The following SMAD2 variants were observed in gnomAD, a reference collection of about 807,000 sequenced individuals.
The protein encoded by SMAD2 is MAD homolog 2.
In SMAD2, 8 loss-of-function variants were observed where a neutral mutation model predicts 64.4. The ratio of observed to expected loss-of-function variants is 0.12; its 90% CI spans 0.07 to 0.22. The LOEUF is 0.22. Ranked by LOEUF, SMAD2 falls within the 10% of genes least tolerant of loss-of-function variation. The pLI is 1.00. For synonymous variants in SMAD2, 203 were observed against 195.8 expected (o/e 1.04, Z -0.31); for missense variants, 289 against 561.2 (o/e 0.51, Z 4.90).
chr18:47,915,981 T>C (rs1175479932), intron 1 of SMAD2, among the ~76,000 whole-genome samples: 1 of 152,236 alleles, frequency 6.6e-6, no homozygotes, highest in Non-Finnish European at 1.5e-5. Flanking sequence ...CATGAACAAG[T>C]ACTAAATGTT....
At chr18:47,902,108 G>A (rs1242800670) in intron 1 of SMAD2, among the ~76,000 whole-genome samples, 5 of 152,098 alleles carry the variant, frequency 3.3e-5, no homozygotes, top group African/African-American at 9.7e-5. Context: ...TACTGAGGGC[G>A]TTCTCTGTGT....
At chr18:47,905,151 T>G (rs1260440718) in intron 1 of SMAD2, among the ~76,000 whole-genome samples, 1 of 152,166 alleles carries the variant, frequency 6.6e-6, no homozygotes, top group Non-Finnish European at 1.5e-5. Context: ...AACTAGTAAG[T>G]AAATTTAGCA....
chr18:47,850,466 AAT>A (rs1491207167), intron 7 of SMAD2, among the ~76,000 whole-genome samples: 2 of 21,614 alleles, frequency 9.3e-5, no homozygotes, highest in African/African-American at 2.0e-4. Context: ...TATTATACAT[AAT>A]ATATATTATA....
chr18:47,844,744 A>G (rs1664668845), intron 10 of SMAD2, among the ~76,000 whole-genome samples: 1 of 152,212 alleles, frequency 6.6e-6, no homozygotes, highest in African/African-American at 2.4e-5. Flanking sequence ...TCAACCTTAC[A>G]AAGAATGAAT....
At chr18:47,883,759 C>G (rs2032742051) in intron 2 of SMAD2, among the ~76,000 whole-genome samples, 1 of 152,172 alleles carries the variant, frequency 6.6e-6, no homozygotes, top group African/African-American at 2.4e-5. Context: ...CCATTTTTCA[C>G]CAGCTGCTTT....
Position 47,851,299 on chromosome 18 carries a change from A to G in SMAD2, c.759T>C (p.Thr253=). The change falls in exon 7 of 11, where the codon ACT becomes ACC. Residue 253 remains threonine (T), a synonymous_variant. Coordinates refer to ENST00000262160, the MANE Select transcript of SMAD2 (RefSeq NM_005901.6). ...CCAAGCTATGATTAACAGGGGAAAG[A>G]GTAGTAGGAGATAGTTCTGCTGGAG... ...TGSPAELSPT[T]LSPVNHSLDL... is the part of the protein sequence containing the mutation. The G allele has an allele frequency of 6.2e-7, 1 of 1,610,172 alleles. No individual in the cohort carries two copies. The highest frequency in any genetic ancestry group is 1.3e-5 in the African/African-American group (1 of 74,926).
rs548705733 is a variant in SMAD2 at position 47,830,053 on chromosome 18, G to C, written c.*11774C>G. ...GCCACTAATTCTTTTACAGATGAAA[G>C]CATTCAATTATCTCTATAAAATTCA... is the stretch of plus-strand genomic sequence containing the variant. On this transcript the variant is annotated 3_prime_UTR_variant, in exon 11 of 11. Coordinates refer to ENST00000262160, the MANE Select transcript of SMAD2 (RefSeq NM_005901.6). The C allele has an allele frequency of 6.6e-6, 1 of 152,160 alleles. No homozygotes were observed. The highest frequency in any genetic ancestry group is 2.4e-5 in the African/African-American group (1 of 41,440). 9.4% of individuals were successfully genotyped at this position (152,160 alleles called of 1,614,324 possible).
intron 2 of SMAD2, among the ~76,000 whole-genome samples, chr18:47,889,553 C>T (rs995969731): frequency 4.6e-5 from 7 of 151,992 alleles, no homozygotes; most frequent in African/African-American, 1.2e-4. Flanking sequence ...GGGCGGATCA[C>T]GAGGTCAGGA....
chr18:47,894,527 A>C (rs2033346654), intron 2 of SMAD2, among the ~76,000 whole-genome samples: 1 of 151,990 alleles, frequency 6.6e-6, no homozygotes, highest in African/African-American at 2.4e-5. Flanking sequence ...ACGCTTCACC[A>C]ATCCTCCCCC....
chr18:47,924,218 A>C lies in SMAD2; in HGVS notation c.-54+6143T>G, dbSNP rs905894274. On this transcript the variant is annotated intron_variant, in intron 1 of 10. Coordinates refer to ENST00000262160, the MANE Select transcript of SMAD2 (RefSeq NM_005901.6). ...AGCCAAGATCGCACCACTGCACTCCAGCCTGGGCAACAGGAGCAAAACTCC... is the reference window on the plus strand; with the variant it reads ...AGCCAAGATCGCACCACTGCACTCCCGCCTGGGCAACAGGAGCAAAACTCC... Among the ~76,000 whole-genome samples the C allele has an allele frequency of 2.0e-5, 3 of 146,378 alleles. No homozygotes were observed. In the Admixed American group the frequency reaches 2.1e-4, roughly 10 times the overall value.
chr18:47,868,357 T>G lies in SMAD2; in HGVS notation c.621A>C (p.Pro207=), dbSNP rs1425248984. The G allele has an allele frequency of 6.2e-7, 1 of 1,613,074 alleles. No individual in the cohort carries two copies. Among genetic ancestry groups the G allele is most frequent in the Non-Finnish European group, 8.5e-7 (1 of 1,179,322 alleles). The change falls in exon 5 of 11, where the codon CCA becomes CCC. Residue 207 remains proline (P), a synonymous_variant. Transcript: ENST00000262160. The part of the protein sequence containing the change: ...THSIPENTNF[P]AGIEPQSNYI... ...AATTACTCTGTGGCTCAATTCCTGCTGGGAAGTTAGTGTTTTCTGGAATGG... is the reference window on the plus strand; with the variant it reads ...AATTACTCTGTGGCTCAATTCCTGCGGGGAAGTTAGTGTTTTCTGGAATGG...
chr18:47,924,432 A>G (rs1435157760), intron 1 of SMAD2, among the ~76,000 whole-genome samples: 1 of 151,392 alleles, frequency 6.6e-6, no homozygotes, highest in African/African-American at 2.4e-5. Flanking sequence ...GAGGCTCTGC[A>G]AAAAAGATTT....
chr18:47,914,129 T>C (rs1231827838), intron 1 of SMAD2, among the ~76,000 whole-genome samples: 3 of 152,236 alleles, frequency 2.0e-5, no homozygotes, highest in Non-Finnish European at 4.4e-5. Context: ...GTGCATACTC[T>C]TTCCAGAGTC....
chr18:47,874,987 T>C (rs2032183429), intron 2 of SMAD2, among the ~76,000 whole-genome samples: 1 of 152,156 alleles, frequency 6.6e-6, no homozygotes, highest in Admixed American at 6.6e-5. Context: ...TCTAAAACAT[T>C]AGAGGCACAT....
At chr18:47,915,884 T>C (rs1378874003) in intron 1 of SMAD2, among the ~76,000 whole-genome samples, 1 of 152,210 alleles carries the variant, frequency 6.6e-6, no homozygotes, top group Non-Finnish European at 1.5e-5. Context: ...GAAATTCATA[T>C]AGATGGAATT....
chr18:47,884,355 G>A (rs1405045045), intron 2 of SMAD2, among the ~76,000 whole-genome samples: 1 of 152,184 alleles, frequency 6.6e-6, no homozygotes, highest in East Asian at 1.9e-4. Flanking sequence ...GTCCCCATTT[G>A]ACAAATGAGG....
At chr18:47,893,982 T>G (rs548524844) in intron 2 of SMAD2, among the ~76,000 whole-genome samples, 1 of 152,282 alleles carries the variant, frequency 6.6e-6, no homozygotes, top group South Asian at 2.1e-4. Flanking sequence ...ATGTTTTTAA[T>G]GATGAAGCAG....
chr18:47,846,337 C>A (rs760841556), intron 8 of SMAD2, among the ~76,000 whole-genome samples: 1 of 151,918 alleles, frequency 6.6e-6, no homozygotes, highest in Non-Finnish European at 1.5e-5. Flanking sequence ...CTTTCAGAAT[C>A]TGAGAGATCA....
At chr18:47,850,044 T>G (rs1181779792) in intron 7 of SMAD2, among the ~76,000 whole-genome samples, 1 of 149,088 alleles carries the variant, frequency 6.7e-6, no homozygotes, top group African/African-American at 2.5e-5. Context: ...TGTATTAGTT[T>G]TTACTGTCGT....
Sources: gnomAD v4.1 joint callset for allele counts (sites outside exome capture counted in the v4.1 genomes callset) on GRCh38, gnomAD v4.1.1 for gene constraint, MANE v1.5 for transcripts, NCBI Gene and HGNC (gene_info 2026-07-23, HGNC 2026-07-21) for gene names.